The following SIPA1L2 variants were observed in gnomAD, a reference collection of about 807,000 sequenced individuals.
The protein encoded by SIPA1L2 is signal-induced proliferation-associated 1-like protein 2.
A neutral mutation model predicts 163.9 loss-of-function variants in SIPA1L2; 56 were observed. That is an observed-to-expected ratio of 0.34 (90% CI 0.28 to 0.43). The LOEUF (loss-of-function observed/expected upper bound fraction) is 0.43, where lower values mean the gene tolerates loss of function less well. Among genes scored for constraint, SIPA1L2 ranks in the 20% least tolerant of loss-of-function variants. The probability of loss-of-function intolerance (pLI) is 1.00; values close to 1 mark genes in which losing one functional copy is unlikely to be tolerated. For synonymous variants in SIPA1L2, 877 were observed against 865.7 expected (o/e 1.01, Z -0.23); for missense variants, 1,974 against 2,193.5 (o/e 0.90, Z 2.00).
chr1:232,542,035 C>A (rs543614326), intron 2 of SIPA1L2, among the ~76,000 whole-genome samples: 1 of 151,974 alleles, frequency 6.6e-6, no homozygotes, highest in African/African-American at 2.4e-5. Flanking sequence ...TACAAGATTA[C>A]ATCTGATACA....
intron 3 of SIPA1L2, among the ~76,000 whole-genome samples, chr1:232,502,561 G>A (rs1422866217): frequency 6.6e-6 from 1 of 150,620 alleles, no homozygotes; most frequent in African/African-American, 2.4e-5. Flanking sequence ...AAAGATGGCA[G>A]GTGAATTAAA....
At chr1:232,546,662 TG>T (rs1302400137) in intron 2 of SIPA1L2, among the ~76,000 whole-genome samples, 6 of 152,180 alleles carry the variant, frequency 3.9e-5, no homozygotes, top group Admixed American at 3.9e-4. Flanking sequence ...ATCGACTAAA[TG>T]TCTAGGCTGT....
chr1:232,403,604 G>T, intron 20 of SIPA1L2, 33 bp from the exon 21 acceptor site: 2 of 1,590,874 alleles, frequency 1.3e-6, no homozygotes, highest in South Asian at 2.3e-5. Flanking sequence ...CAGAAAGAAG[G>T]GTTAGTAATC....
intron 1 of SIPA1L2, among the ~76,000 whole-genome samples, chr1:232,583,068 T>C (rs1035395887): frequency 6.6e-6 from 1 of 152,238 alleles, no homozygotes; most frequent in African/African-American, 2.4e-5. Flanking sequence ...CTTCTTGTCC[T>C]GGTGCTCTTG....
chr1:232,606,403 T>C (rs1573164997), intron 1 of SIPA1L2, among the ~76,000 whole-genome samples: 1 of 152,108 alleles, frequency 6.6e-6, no homozygotes, highest in Non-Finnish European at 1.5e-5. Flanking sequence ...TAAAAAGACA[T>C]AGAAGTTATC....
At chr1:232,577,741 A>C (rs147009921) in intron 1 of SIPA1L2, among the ~76,000 whole-genome samples, 207 of 152,350 alleles carry the variant, frequency 1.4e-3, no homozygotes, top group Admixed American at 2.5e-3. Context: ...ATTGGCGCCT[A>C]AAGATCTGAC....
At chr1:232,479,354 T>C (rs1469814847) in intron 7 of SIPA1L2, among the ~76,000 whole-genome samples, 1 of 152,184 alleles carries the variant, frequency 6.6e-6, no homozygotes, top group East Asian at 1.9e-4. Flanking sequence ...AATTAACATA[T>C]AGTTGAGACA....
At chr1:232,606,112 A>G (rs964721306) in intron 1 of SIPA1L2, among the ~76,000 whole-genome samples, 5 of 152,252 alleles carry the variant, frequency 3.3e-5, no homozygotes, top group Admixed American at 2.0e-4. Flanking sequence ...TACTATCATT[A>G]CAATTTGATA....
Position 232,514,216 on chromosome 1 carries a change from C to T in SIPA1L2, c.1124G>A (p.Gly375Asp). Residue 375 changes from glycine (G) to aspartate (D), a missense_variant, in exon 3 of 23, where the codon GGC (glycine) becomes GAC (aspartate). Physicochemically the swap from Gly to Asp is moderately conservative, Grantham distance 94. Transcript: ENST00000674635. ...GCTCCCTAAAGGGGACTCACAGTTG[C>T]CTGTCTGGCCCGTAGGCATCTGAGT... ...SQTQMPTGQT[G>D]NCESPLGSKE... 1 of 1,614,256 alleles carries T rather than the reference C, an allele frequency of 6.2e-7. No homozygotes were observed. The highest frequency in any genetic ancestry group is 8.5e-7 in the Non-Finnish European group (1 of 1,180,050).
At chr1:232,522,126 A>C (rs1483137490) in intron 2 of SIPA1L2, among the ~76,000 whole-genome samples, 1 of 152,102 alleles carries the variant, frequency 6.6e-6, no homozygotes, top group Non-Finnish European at 1.5e-5. Context: ...CAATTTCTTC[A>C]TCTTGACTGC....
Position 232,522,497 on chromosome 1 carries a change from T to C in SIPA1L2, c.-269-6889A>G, listed in dbSNP as rs563294797. Among the ~76,000 whole-genome samples, 342 of 79,108 alleles carry C rather than the reference T, an allele frequency of 4.3e-3. 1 individual carries two copies. Among genetic ancestry groups the C allele is most frequent in the Non-Finnish European group, 7.7e-3 (282 of 36,614 alleles). 51.9% of individuals were successfully genotyped at this position (79,108 alleles called of 152,430 possible). A position where few individuals can be genotyped will look rare whatever the true frequency, so the allele number is the denominator to read the frequency against. ...GGTCTAAGTGGCCCCCATAGCATTGTGCCTTTTTTTTTTTTTTACTCTAAG... is the reference window on the plus strand; with the variant it reads ...GGTCTAAGTGGCCCCCATAGCATTGCGCCTTTTTTTTTTTTTTACTCTAAG... On this transcript the variant is annotated intron_variant, in intron 2 of 22. Coordinates refer to ENST00000674635, the MANE Select transcript of SIPA1L2 (RefSeq NM_020808.5).
At position 232,517,039 on chromosome 1, in the gene SIPA1L2, G is replaced by A. The variant is rs530773232; in HGVS notation, c.-269-1431C>T. Among the ~76,000 whole-genome samples the A allele has an allele frequency of 2.0e-5, 3 of 152,148 alleles. No homozygotes were observed. In the East Asian group the frequency reaches 5.8e-4, roughly 29 times the overall value. ...TTAGATCAAGTGTCTACAAACATAC[G>A]GGTAAATTGCAGTGTTTTCTATTTC... is the stretch of plus-strand genomic sequence containing the variant. On this transcript the variant is annotated intron_variant, in intron 2 of 22. Coordinates refer to ENST00000674635, the MANE Select transcript of SIPA1L2 (RefSeq NM_020808.5).
At chr1:232,416,992 T>C (rs561846893) in intron 18 of SIPA1L2, among the ~76,000 whole-genome samples, 24 of 152,350 alleles carry the variant, frequency 1.6e-4, no homozygotes, top group Middle Eastern at 3.4e-3. Context: ...GTGCCTTTTC[T>C]GAACCTGCCC....
chr1:232,628,613 T>A (rs1490312719), intron 1 of SIPA1L2, among the ~76,000 whole-genome samples: 1 of 152,188 alleles, frequency 6.6e-6, no homozygotes, highest in Non-Finnish European at 1.5e-5. Flanking sequence ...ATAGGCCACC[T>A]CTCAATATCC....
At chr1:232,475,040 G>A (rs1472453304) in intron 7 of SIPA1L2, among the ~76,000 whole-genome samples, 2 of 152,178 alleles carry the variant, frequency 1.3e-5, no homozygotes, top group Non-Finnish European at 2.9e-5. Context: ...TCAGAGAAGA[G>A]GAAGGTCATC....
chr1:232,532,796 C>T (rs1657051156), intron 2 of SIPA1L2, among the ~76,000 whole-genome samples: 1 of 152,078 alleles, frequency 6.6e-6, no homozygotes, highest in Non-Finnish European at 1.5e-5. Flanking sequence ...AAAAGCAAAA[C>T]AAAACCCAGA....
At position 232,415,525 on chromosome 1, in the gene SIPA1L2, G is replaced by C. The variant is rs199868955; in HGVS notation, c.4731C>G (p.Thr1577=). 1.5e-3 allele frequency: 2,442 copies of C among 1,612,976 alleles called. 4 individuals carry two copies. The highest frequency in any genetic ancestry group is 1.8e-3 in the Non-Finnish European group (2,131 of 1,179,512). The change falls in exon 19 of 23, where the codon ACC becomes ACG. Residue 1577 remains threonine (T), a synonymous_variant. Transcript: ENST00000674635. ...ATGCCCGTGCAGCATCCACGAGGTG[G>C]GTCCAATCTAACCCTGTGGCTGTGT... The part of the protein sequence containing the change: ...LPDTATGLDW[T]HLVDAARAFE...
At chr1:232,505,911 T>C (rs1270854972) in intron 3 of SIPA1L2, among the ~76,000 whole-genome samples, 1 of 152,214 alleles carries the variant, frequency 6.6e-6, no homozygotes, top group Admixed American at 6.5e-5. Flanking sequence ...CAACTCCCTA[T>C]TAATTTTCGT....
At chr1:232,602,898 A>G (rs1220570711) in intron 1 of SIPA1L2, among the ~76,000 whole-genome samples, 1 of 152,226 alleles carries the variant, frequency 6.6e-6, no homozygotes, top group Non-Finnish European at 1.5e-5. Context: ...ATTTAATTTT[A>G]GTTAACCTAA....
Sources: gnomAD v4.1 joint callset for allele counts (sites outside exome capture counted in the v4.1 genomes callset) on GRCh38, gnomAD v4.1.1 for gene constraint, MANE v1.5 for transcripts, NCBI Gene and HGNC (gene_info 2026-07-23, HGNC 2026-07-21) for gene names.